DPP6: variants seen among roughly 807,000 people sequenced by gnomAD.
DPP6 encodes the protein dipeptidyl peptidase like 6, also known as A-type potassium channel modulatory protein DPP6.
A neutral mutation model predicts 122.6 loss-of-function variants in DPP6; 69 were observed. The observed-to-expected ratio is 0.56, with a 90% confidence interval of 0.46 to 0.69. The LOEUF (loss-of-function observed/expected upper bound fraction) is 0.69. DPP6 is among the 30% of genes least tolerant of loss of function. DPP6 has a pLI of 0.00. For synonymous variants in DPP6, 418 were observed against 433.1 expected, an observed-to-expected ratio of 0.97 and a Z score of 0.43; for missense variants, 928 against 1,116.9, an observed-to-expected ratio of 0.83 and a Z score of 2.41.
chr7:153,911,964 T>C (rs1005859645), intron 1 of DPP6, among the ~76,000 whole-genome samples: 10 of 152,254 alleles, frequency 6.6e-5, no homozygotes, highest in Non-Finnish European at 1.2e-4. Context: ...AGTCCTGAAG[T>C]ACTTATCTGA....
At chr7:154,510,704 A>AAAC (rs1350468080) in intron 3 of DPP6, among the ~76,000 whole-genome samples, 21 of 152,112 alleles carry the variant, frequency 1.4e-4, no homozygotes, top group African/African-American at 4.6e-4. Flanking sequence ...CAAAAAAAAA[A>AAAC]AAAATAGTGT....
chr7:154,276,777 C>A (rs902437018), intron 1 of DPP6, among the ~76,000 whole-genome samples: 1 of 152,120 alleles, frequency 6.6e-6, no homozygotes, highest in Non-Finnish European at 1.5e-5. Context: ...CGGGTCACAA[C>A]ATTTTCATCC....
At chr7:153,934,288 A>G (rs1801321727) in intron 1 of DPP6, among the ~76,000 whole-genome samples, 1 of 151,946 alleles carries the variant, frequency 6.6e-6, no homozygotes, top group Non-Finnish European at 1.5e-5. Context: ...CTGTGGCCAC[A>G]TGTAGCCTTC....
intron 5 of DPP6, among the ~76,000 whole-genome samples, chr7:154,595,100 C>T (rs1460797731): frequency 6.6e-6 from 1 of 151,950 alleles, no homozygotes; most frequent in Non-Finnish European, 1.5e-5. Flanking sequence ...TACTAAAGCT[C>T]ATGTGGATGA....
At chr7:153,787,964 A>C in the DPP6 span, among the ~76,000 whole-genome samples, 1 of 151,762 alleles carries the variant, frequency 6.6e-6, no homozygotes, top group Non-Finnish European at 1.5e-5. Context: ...TATTATTCAC[A>C]CATTAATGGT....
chr7:154,144,134 T>C (rs1795977454), intron 1 of DPP6, among the ~76,000 whole-genome samples: 1 of 152,180 alleles, frequency 6.6e-6, no homozygotes, highest in African/African-American at 2.4e-5. Flanking sequence ...CATTTTTTGA[T>C]TACTTACTAA....
chr7:153,910,007 T>C (rs1480657319), intron 1 of DPP6, among the ~76,000 whole-genome samples: 20 of 152,124 alleles, frequency 1.3e-4, no homozygotes, highest in Non-Finnish European at 1.5e-4. Flanking sequence ...ACCCTCTCTC[T>C]CCTATGGAGA....
intron 7 of DPP6, among the ~76,000 whole-genome samples, chr7:154,681,527 C>G (rs1436523633): frequency 6.6e-6 from 1 of 152,156 alleles, no homozygotes; most frequent in Non-Finnish European, 1.5e-5. Flanking sequence ...CATGGCAGAT[C>G]CTGTTTCTCG....
At chr7:154,459,605 A>G (rs1203644239) in intron 2 of DPP6, among the ~76,000 whole-genome samples, 1 of 152,038 alleles carries the variant, frequency 6.6e-6, no homozygotes, top group Admixed American at 6.6e-5. Context: ...CGAGGCAGGC[A>G]GATCACCTGA....
intron 3 of DPP6, among the ~76,000 whole-genome samples, chr7:154,512,841 C>T (rs1826195909): frequency 6.6e-6 from 1 of 151,996 alleles, no homozygotes; most frequent in Non-Finnish European, 1.5e-5. Flanking sequence ...AAAAATAGTT[C>T]TAGATTGAGA....
intron 3 of DPP6, among the ~76,000 whole-genome samples, chr7:154,515,842 T>C (rs1042774012): frequency 2.6e-5 from 4 of 152,114 alleles, no homozygotes; most frequent in Admixed American, 6.5e-5. Context: ...CAGCTCTAAG[T>C]TCCCACAGTG....
chr7:154,445,796 T>C (rs562023609), intron 1 of DPP6, among the ~76,000 whole-genome samples: 3 of 149,102 alleles, frequency 2.0e-5, no homozygotes, highest in African/African-American at 4.9e-5. Flanking sequence ...AAAAAGGGAA[T>C]GATGACAGAG....
chr7:154,258,617 C>T (rs1043152084), intron 1 of DPP6, among the ~76,000 whole-genome samples: 17 of 152,184 alleles, frequency 1.1e-4, no homozygotes, highest in Admixed American at 7.9e-4. Context: ...TACCCAAGTG[C>T]GTTTTAACAA....
chr7:153,813,499 T>C, the DPP6 span, among the ~76,000 whole-genome samples: 1 of 152,296 alleles, frequency 6.6e-6, no homozygotes, highest in African/African-American at 2.4e-5. Flanking sequence ...TGTGCATGTG[T>C]CTTTATAGCA....
Position 154,777,569 on chromosome 7 carries a change from C to T in DPP6, c.1136+4627C>T, listed in dbSNP as rs139192265. Among the ~76,000 whole-genome samples the T allele has an allele frequency of 1.2e-4, 18 of 152,292 alleles. No individual in the cohort carries two copies. The East Asian group carries it at 3.1e-3, about 26-fold the overall frequency. On this transcript the variant is annotated intron_variant, in intron 10 of 25. Transcript: ENST00000377770. ...CCCAGCTGCACTGATAAAACAAATG[C>T]GCTTGTTTTCTGCTGGTTTCCTCCG...
the DPP6 span, among the ~76,000 whole-genome samples, chr7:153,803,852 CACAT>C: frequency 3.3e-5 from 5 of 149,606 alleles, no homozygotes; most frequent in Non-Finnish European, 7.4e-5. Context: ...TACACACACA[CACAT>C]ATATATATAC....
At chr7:153,995,588 CAA>C (rs55905154) in intron 1 of DPP6, among the ~76,000 whole-genome samples, 5 of 88,938 alleles carry the variant, frequency 5.6e-5, no homozygotes, top group East Asian at 3.5e-4. Context: ...GACTCCGTCT[CAA>C]AAAAAAAAAA....
intron 2 of DPP6, among the ~76,000 whole-genome samples, chr7:154,455,950 T>G (rs1017856555): frequency 1.3e-5 from 2 of 152,150 alleles, no homozygotes; most frequent in Non-Finnish European, 2.9e-5. Context: ...AAATTAATTT[T>G]GGTGGCCTTA....
chr7:154,141,503 C>T (rs1250495497), intron 1 of DPP6, among the ~76,000 whole-genome samples: 1 of 152,186 alleles, frequency 6.6e-6, no homozygotes, highest in Non-Finnish European at 1.5e-5. Flanking sequence ...TCAGTACATA[C>T]CATTTGAATG....
Sources: gnomAD v4.1 joint callset for allele counts (sites outside exome capture counted in the v4.1 genomes callset) on GRCh38, gnomAD v4.1.1 for gene constraint, MANE v1.5 for transcripts, NCBI Gene and HGNC (gene_info 2026-07-23, HGNC 2026-07-21) for gene names.